Variants in ABLIM1 observed in about 807,000 individuals in gnomAD.
The protein encoded by ABLIM1 is actin binding LIM protein 1, also known as actin-binding LIM protein 1.
ABLIM1 carries 40 observed loss-of-function variants against 107.0 expected under a neutral mutation model. The ratio of observed to expected loss-of-function variants is 0.37; its 90% CI spans 0.29 to 0.49. ABLIM1 has a LOEUF of 0.49. ABLIM1 is among the 20% of genes least tolerant of loss of function. The pLI, the probability that ABLIM1 is intolerant of heterozygous loss-of-function variation, is 0.97. For synonymous variants in ABLIM1, 357 were observed against 357.3 expected (o/e 1.00, Z 0.01); for missense variants, 857 against 1,008.5 (o/e 0.85, Z 2.04).
chr10:114,566,053 C>T (rs2070697889), intron 4 of ABLIM1, among the ~76,000 whole-genome samples: 1 of 152,110 alleles, frequency 6.6e-6, no homozygotes. Context: ...CCTCGGCCTC[C>T]CAAAGTGCCG....
intron 1 of ABLIM1, chr10:114,767,914 CG>C: frequency 3.2e-6 from 1 of 309,362 alleles, no homozygotes; most frequent in Non-Finnish European, 6.5e-6. Context: ...CCCCTGCCCC[CG>C]GCCCCCGGCA....
intron 4 of ABLIM1, among the ~76,000 whole-genome samples, chr10:114,560,726 A>G (rs1425610902): frequency 6.6e-6 from 1 of 152,218 alleles, no homozygotes; most frequent in Non-Finnish European, 1.5e-5. Context: ...GACAAATGAT[A>G]CGAACTGGAT....
chr10:114,720,546 A>G (rs1269883228), intron 1 of ABLIM1, among the ~76,000 whole-genome samples: 2 of 152,138 alleles, frequency 1.3e-5, no homozygotes, highest in Admixed American at 6.6e-5. Flanking sequence ...TTGGAGAAAC[A>G]TATTTTCACA....
At chr10:114,773,836 G>C in the ABLIM1 span, among the ~76,000 whole-genome samples, 1 of 150,744 alleles carries the variant, frequency 6.6e-6, no homozygotes, top group Non-Finnish European at 1.5e-5. Context: ...TAAAATTTCT[G>C]TATCATTTAT....
At chr10:114,576,827 A>G (rs1490400186) in intron 2 of ABLIM1, among the ~76,000 whole-genome samples, 1 of 152,254 alleles carries the variant, frequency 6.6e-6, no homozygotes, top group African/African-American at 2.4e-5. Context: ...TTTACAATTA[A>G]GTAACCCAAG....
At chr10:114,695,611 TA>T (rs1223442189) in intron 1 of ABLIM1, among the ~76,000 whole-genome samples, 1 of 152,160 alleles carries the variant, frequency 6.6e-6, no homozygotes, top group Non-Finnish European at 1.5e-5. Context: ...GCCAATGAAT[TA>T]TACAAAGTCA....
At chr10:114,798,555 G>GACC in the ABLIM1 span, among the ~76,000 whole-genome samples, 2 of 73,816 alleles carry the variant, frequency 2.7e-5, no homozygotes, top group African/African-American at 1.1e-4. Context: ...AAGATGATGA[G>GACC]ACCCCCCCCC....
At chr10:114,769,549 AAAG>A (rs1359918283), upstream of ABLIM1, among the ~76,000 whole-genome samples, 2 of 129,134 alleles carry the variant, frequency 1.5e-5, no homozygotes, top group African/African-American at 5.7e-5. Flanking sequence ...AGGAAGGAAG[AAAG>A]AAAGAGAAGG....
chr10:114,787,385 C>A, the ABLIM1 span, among the ~76,000 whole-genome samples: 5 of 151,838 alleles, frequency 3.3e-5, no homozygotes, highest in African/African-American at 4.8e-5. Context: ...CCGGCAGCCA[C>A]CCCGTCCGGG....
At chr10:114,757,676 T>A (rs2082661126) in intron 1 of ABLIM1, among the ~76,000 whole-genome samples, 1 of 152,232 alleles carries the variant, frequency 6.6e-6, no homozygotes, top group South Asian at 2.1e-4. Flanking sequence ...TTCTCTTATC[T>A]TGACCATTAC....
intron 1 of ABLIM1, among the ~76,000 whole-genome samples, chr10:114,704,363 T>C (rs1191661797): frequency 7.0e-6 from 1 of 142,874 alleles, no homozygotes; most frequent in East Asian, 2.1e-4. Flanking sequence ...TGAGGTATCT[T>C]GGAATAACAA....
chr10:114,569,213 A>G (rs968685021), intron 4 of ABLIM1, among the ~76,000 whole-genome samples: 7 of 152,206 alleles, frequency 4.6e-5, no homozygotes, highest in African/African-American at 1.7e-4. Context: ...GGACTTCACA[A>G]TGAGGACACA....
chr10:114,736,797 C>T (rs1439619273), intron 1 of ABLIM1, among the ~76,000 whole-genome samples: 1 of 152,178 alleles, frequency 6.6e-6, no homozygotes, highest in Non-Finnish European at 1.5e-5. Context: ...AAGAAGAGGG[C>T]ACACCTGCAC....
rs530337416 is a variant in ABLIM1, at chr10:114,749,890, T to G, written c.-213+18171A>C. 3.9e-5 allele frequency among the ~76,000 whole-genome samples: 6 copies of G among 152,286 alleles called. No individual in the cohort carries two copies. The East Asian group carries it at 1.2e-3, about 29-fold the overall frequency. ...TAAATGTCACCTTCTCCATGAAGCC[T>G]TCCCTGATCATGCCCATCCCAGACC... On this transcript the variant is annotated intron_variant, in intron 1 of 15. Coordinates refer to the ABLIM1 transcript ENST00000651092.
chr10:114,798,898 C>T, the ABLIM1 span, among the ~76,000 whole-genome samples: 2 of 151,938 alleles, frequency 1.3e-5, no homozygotes, highest in South Asian at 2.1e-4. Context: ...TGGATTCAAG[C>T]GATTCTCCTG....
chr10:114,745,127 G>T (rs1432894343), intron 1 of ABLIM1, among the ~76,000 whole-genome samples: 1 of 151,980 alleles, frequency 6.6e-6, no homozygotes, highest in East Asian at 1.9e-4. Context: ...TAATTGGTCT[G>T]CTTGTCCTCC....
intron 5 of ABLIM1, among the ~76,000 whole-genome samples, chr10:114,545,704 C>T (rs1310839419): frequency 6.6e-6 from 1 of 151,914 alleles, no homozygotes. Flanking sequence ...GTGGGTGGAT[C>T]AACTGAGGTC....
the ABLIM1 span, among the ~76,000 whole-genome samples, chr10:114,800,171 A>G: frequency 6.6e-6 from 1 of 152,134 alleles, no homozygotes; most frequent in African/African-American, 2.4e-5. Context: ...CAAAATTCCT[A>G]TGCCCTTACC....
At chr10:114,524,798 G>C (rs867269210) in intron 6 of ABLIM1, among the ~76,000 whole-genome samples, 1 of 152,342 alleles carries the variant, frequency 6.6e-6, no homozygotes, top group South Asian at 2.1e-4. Context: ...AGAAGGAAAA[G>C]GGGGCAGAAG....
Sources: gnomAD v4.1 joint callset for allele counts (sites outside exome capture counted in the v4.1 genomes callset) on GRCh38, gnomAD v4.1.1 for gene constraint, MANE v1.5 for transcripts, NCBI Gene and HGNC (gene_info 2026-07-23, HGNC 2026-07-21) for gene names.